Variants in RHOBTB2 observed in about 807,000 individuals in gnomAD.
RHOBTB2 encodes the protein rho-related BTB domain-containing protein 2.
Under a neutral mutation model 66.5 loss-of-function variants are expected in RHOBTB2, and 39 were observed. The ratio of observed to expected loss-of-function variants is 0.59; its 90% CI spans 0.45 to 0.77. The LOEUF (loss-of-function observed/expected upper bound fraction) is 0.77. RHOBTB2 is among the 30% of genes least tolerant of loss of function. RHOBTB2 has a pLI of 0.00. For missense variants in RHOBTB2, 755 were observed against 999.1 expected (o/e 0.76, Z 3.29); for synonymous variants, 390 against 395.0 (o/e 0.99, Z 0.15).
At chr8:22,993,567 G>T (rs1810474836) in intron 2 of RHOBTB2, among the ~76,000 whole-genome samples, 4 of 152,210 alleles carry the variant, frequency 2.6e-5, no homozygotes, top group Non-Finnish European at 4.4e-5. Flanking sequence ...GGGACAATGT[G>T]ATCTCCCCAA....
At chr8:22,973,922 C>T in the RHOBTB2 span, among the ~76,000 whole-genome samples, 7 of 152,188 alleles carry the variant, frequency 4.6e-5, no homozygotes, top group East Asian at 7.7e-4. Context: ...ACCCCTCCCA[C>T]GCCCCACCAT....
At position 23,006,910 on chromosome 8, in the gene RHOBTB2, G is replaced by A. The variant is rs763827437; in HGVS notation, c.665G>A (p.Arg222His). The A allele has an allele frequency of 3.1e-6, 5 of 1,613,814 alleles. 1 individual carries two copies. The South Asian group carries it at 3.3e-5, about 11-fold the overall frequency. The stretch of plus-strand genomic sequence containing the variant: ...CTGCAGTTCTGGAAGTCCCACCTCC[G>A]CAATGTGCAGCGGCCTCTGCTGCAG... ...RHLQFWKSHL[R>H]NVQRPLLQAP... Residue 222 changes from arginine (R) to histidine (H), a missense_variant, in exon 5 of 10, where the codon CGC becomes CAC. Transcript: ENST00000251822. This position sits in a 1 kb window ranked among gnomAD's most constrained non-coding sequence, Gnocchi z 6.1.
the RHOBTB2 span, among the ~76,000 whole-genome samples, chr8:22,978,588 G>GT: frequency 7.3e-4 from 106 of 144,418 alleles, no homozygotes; most frequent in Middle Eastern, 3.7e-3. Context: ...TTTTTTTTTA[G>GT]TTTTTTTTAT....
Position 23,007,382 on chromosome 8 carries a change from A to C in RHOBTB2, c.1137A>C (p.Leu379=), listed in dbSNP as rs1415919269. ...TACGGGGCAACGGAACAGGGTACCT[A>C]CCGGGCAGGGGTCGTGTGCTGTCTT... ...GILRGNGTGY[L]PGRGRVLSSW... The change falls in exon 5 of 10, where the codon CTA becomes CTC. Residue 379 remains leucine (L), a synonymous_variant. Coordinates refer to ENST00000251822, the MANE Select transcript of RHOBTB2 (RefSeq NM_015178.3). 3.7e-6 allele frequency: 6 copies of C among 1,614,026 alleles called. No homozygotes were observed. The highest frequency in any genetic ancestry group is 5.1e-6 in the Non-Finnish European group (6 of 1,179,964).
At position 23,015,704 on chromosome 8, in the gene RHOBTB2, T is replaced by C. The variant is rs776610946; in HGVS notation, c.1927T>C (p.Cys643Arg). 1 of 1,614,066 alleles carries C rather than the reference T, an allele frequency of 6.2e-7. No individual in the cohort carries two copies. The highest frequency in any genetic ancestry group is 1.7e-5 in the Admixed American group (1 of 60,014). ...CATCTGCACCAACTACAACAACGTG[T>C]GCCGCAAGTTCCCCCGAGACATGAA... ...HHICTNYNNVCRKFPRDMKAM... is the reference protein window; with the variant it reads ...HHICTNYNNVRRKFPRDMKAM... Residue 643 changes from cysteine (C) to arginine (R), a missense_variant, in exon 9 of 10, where the codon TGC becomes CGC. Around this residue, in one of 7 missense-constraint regions of RHOBTB2, gnomAD observed 353 missense variants for 458.2 expected, o/e 0.77. Transcript: ENST00000251822.
chr8:23,008,305 C>T (rs1811035586), intron 6 of RHOBTB2, among the ~76,000 whole-genome samples, 194 bp downstream of exon 6: 1 of 152,212 alleles, frequency 6.6e-6, no homozygotes, highest in African/African-American at 2.4e-5. Context: ...ATTACACTGA[C>T]ACCTCAACTT....
At chr8:22,961,503 A>T in the RHOBTB2 span, among the ~76,000 whole-genome samples, 1 of 152,288 alleles carries the variant, frequency 6.6e-6, no homozygotes, top group African/African-American at 2.4e-5. Flanking sequence ...TTCTTTGCTC[A>T]GTTAAACTCT....
rs1326610503 is a variant in RHOBTB2, at chr8:22,999,561, G to A, written c.-555G>A. 2 of 1,200,480 alleles carry A rather than the reference G, an allele frequency of 1.7e-6. No homozygotes were observed. Among genetic ancestry groups the A allele is most frequent in the Non-Finnish European group, 2.1e-6 (2 of 951,258 alleles). 74.4% of individuals were successfully genotyped at this position (1,200,480 alleles called of 1,614,324 possible). A position where few individuals can be genotyped will look rare whatever the true frequency, so the allele number is the denominator to read the frequency against. ...GCGGCAGTGGGCGGGGCCCGTCACG[G>A]CTGTCGTCTTGGGTGCGATTTTTTT... On this transcript the variant is annotated 5_prime_UTR_variant, in exon 1 of 10. Coordinates refer to ENST00000251822, the MANE Select transcript of RHOBTB2 (RefSeq NM_015178.3).
At chr8:22,968,080 T>C in the RHOBTB2 span, among the ~76,000 whole-genome samples, 1 of 151,924 alleles carries the variant, frequency 6.6e-6, no homozygotes, top group Non-Finnish European at 1.5e-5. Flanking sequence ...GGCTTGATCC[T>C]GGAAGGCTGA....
chr8:22,999,126 G>A (rs1233894260), upstream of RHOBTB2: 1 of 152,474 alleles, frequency 6.6e-6, no homozygotes, highest in Non-Finnish European at 1.5e-5. Flanking sequence ...TGGAAACGCC[G>A]GTTATTCGTC....
chr8:23,007,123 A>T lies in RHOBTB2; in HGVS notation c.878A>T (p.Tyr293Phe). The T allele has an allele frequency of 3.7e-6, 6 of 1,609,604 alleles. No homozygotes were observed. Among genetic ancestry groups the T allele is most frequent in the Non-Finnish European group, 5.1e-6 (6 of 1,179,836 alleles). The change falls in exon 5 of 10, where the codon TAT (tyrosine) becomes TTT (phenylalanine). Residue 293 changes from tyrosine (Y) to phenylalanine (F), a missense_variant. Coordinates refer to ENST00000251822, the MANE Select transcript of RHOBTB2 (RefSeq NM_015178.3). ...IYLSTSSSKF[Y>F]DLFLMDLSEG... ...CTCTCCACCTCTTCCTCCAAGTTCTATGACCTGTTCCTCATGGACCTGAGT... is the reference window on the plus strand; with the variant it reads ...CTCTCCACCTCTTCCTCCAAGTTCTTTGACCTGTTCCTCATGGACCTGAGT...
chr8:22,952,680 TGGATCA>T, the RHOBTB2 span, among the ~76,000 whole-genome samples: 1 of 151,998 alleles, frequency 6.6e-6, no homozygotes, highest in East Asian at 1.9e-4. Flanking sequence ...CGAAGGCAGG[TGGATCA>T]CCTGAGGTCA....
chr8:22,990,576 T>A (rs1221876726), intron 1 of RHOBTB2, among the ~76,000 whole-genome samples: 2 of 152,080 alleles, frequency 1.3e-5, no homozygotes, highest in African/African-American at 4.8e-5. Flanking sequence ...CAGCCCAGGC[T>A]CCCAGGGGGC....
At chr8:22,990,718 CT>C (rs1043273410) in intron 1 of RHOBTB2, among the ~76,000 whole-genome samples, 3 of 152,160 alleles carry the variant, frequency 2.0e-5, no homozygotes, top group Admixed American at 1.3e-4. Context: ...TGTTTAGTGG[CT>C]TTTGAGGCAC....
chr8:22,997,219 TG>T (rs1210605818), upstream of RHOBTB2, among the ~76,000 whole-genome samples: 2 of 150,202 alleles, frequency 1.3e-5, no homozygotes, highest in East Asian at 4.0e-4. Context: ...GAGGATGGGC[TG>T]GGGGGCACTG....
chr8:22,997,065 C>T (rs573945357), upstream of RHOBTB2, among the ~76,000 whole-genome samples: 7 of 152,216 alleles, frequency 4.6e-5, no homozygotes, highest in Admixed American at 1.3e-4. Context: ...CCTCATACAG[C>T]GTGGGGAATG....
the RHOBTB2 span, among the ~76,000 whole-genome samples, chr8:22,964,053 T>G: frequency 6.6e-6 from 1 of 152,192 alleles, no homozygotes; most frequent in Admixed American, 6.5e-5. Context: ...AGTGCTGGGA[T>G]TACAAGCGTG....
Position 23,007,685 on chromosome 8 carries a change from G to A in RHOBTB2, c.1440G>A (p.Lys480=). The A allele has an allele frequency of 2.5e-6, 4 of 1,614,214 alleles. No homozygotes were observed. The highest frequency in any genetic ancestry group is 3.4e-6 in the Non-Finnish European group (4 of 1,180,040). The change falls in exon 5 of 10, where the codon AAG becomes AAA. Residue 480 remains lysine (K), a synonymous_variant. Coordinates refer to ENST00000251822, the MANE Select transcript of RHOBTB2 (RefSeq NM_015178.3). The part of the protein sequence containing the change: ...NEAFMNQEIT[K]AFHVRRTNRV... Reference sequence around the variant, plus strand: ...CCTTCATGAACCAGGAGATCACCAAGGCCTTCCACGTCCGCCGGACCAACC... The same window carrying A: ...CCTTCATGAACCAGGAGATCACCAAAGCCTTCCACGTCCGCCGGACCAACC...
At chr8:22,978,102 G>C in the RHOBTB2 span, 1 of 152,046 alleles carries the variant, frequency 6.6e-6, no homozygotes, top group Non-Finnish European at 1.5e-5. Flanking sequence ...ACTCCAGCCT[G>C]GGCAACATAG....
Sources: gnomAD v4.1 joint callset for allele counts (sites outside exome capture counted in the v4.1 genomes callset) on GRCh38, gnomAD v4.1.1 for gene constraint, gnomAD v4.1.1 regional missense constraint, Gnocchi (gnomAD v3.1) non-coding constraint, MANE v1.5 for transcripts, NCBI Gene and HGNC (gene_info 2026-07-23, HGNC 2026-07-21) for gene names.